EPN1: variants seen among roughly 807,000 people sequenced by gnomAD.
EPN1 encodes epsin-1.
EPN1 carries 25 observed loss-of-function variants against 56.9 expected under a neutral mutation model. The ratio of observed to expected loss-of-function variants is 0.44; its 90% CI spans 0.32 to 0.61. The LOEUF is 0.61. Among genes scored for constraint, EPN1 ranks in the 20% least tolerant of loss-of-function variants. The probability of loss-of-function intolerance (pLI) is 0.05; values close to 1 mark genes in which losing one functional copy is unlikely to be tolerated. For synonymous variants in EPN1, 411 were observed against 361.8 expected (o/e 1.14, Z -1.54); for missense variants, 785 against 823.7 (o/e 0.95, Z 0.58).
intron 2 of EPN1, among the ~76,000 whole-genome samples, chr19:55,679,081 T>C (rs534763212): frequency 6.6e-6 from 1 of 152,386 alleles, no homozygotes; most frequent in African/African-American, 2.4e-5. Context: ...GTAAGATTCA[T>C]GTGCTGAGGA....
At chr19:55,685,062 A>G (rs1600100367) in intron 2 of EPN1, among the ~76,000 whole-genome samples, 1 of 151,320 alleles carries the variant, frequency 6.6e-6, no homozygotes, top group Admixed American at 6.6e-5. Flanking sequence ...CCCTCCCTCC[A>G]CCCCTGGCAA....
rs1303082136 is a variant in EPN1, at chr19:55,696,756, C to T, written c.*1400C>T. ...GTGTCCGAGCAGCGTCGTGGCCACC[C>T]TGTGTGCCCACTCCCTGGTGGACAG... On this transcript the variant is annotated 3_prime_UTR_variant, in exon 11 of 11. Transcript: ENST00000270460. 1 of 152,282 alleles carries T rather than the reference C, an allele frequency of 6.6e-6. No homozygotes were observed. The highest frequency in any genetic ancestry group is 1.5e-5 in the Non-Finnish European group (1 of 68,092). 9.4% of individuals were successfully genotyped at this position (152,282 alleles called of 1,614,324 possible).
In EPN1 at chr19:55,709,060, TAA is replaced by T. The variant is rs958216336; in HGVS notation, c.*13706_*13707del. 3.2e-6 allele frequency: 5 copies of T among 1,549,560 alleles called. No homozygotes were observed. Among genetic ancestry groups the T allele is most frequent in the Non-Finnish European group, 4.3e-6 (5 of 1,157,556 alleles). ...TTTGTGCAGCCTGGGAAAATAGAAA[TAA>T]AGTTTTTTTTTTTGTTTTTCATTTT... On this transcript the variant is annotated 3_prime_UTR_variant, in exon 11 of 11. Coordinates refer to ENST00000270460, the MANE Select transcript of EPN1 (RefSeq NM_001130072.2).
Position 55,708,294 on chromosome 19 carries a change from C to T in EPN1, c.*12938C>T, listed in dbSNP as rs572211756. On this transcript the variant is annotated 3_prime_UTR_variant, in exon 11 of 11. Transcript: ENST00000270460. ...GGCCAATAAGGCATCAGCAATTTAC[C>T]GTAGGGAACTAGGGAATGTTTAATT... 3 of 152,180 alleles carry T rather than the reference C, an allele frequency of 2.0e-5. No homozygotes were observed. Among genetic ancestry groups the T allele is most frequent in the South Asian group, 4.1e-4 (2 of 4,820 alleles). The allele number at this position is 152,180 out of a possible 1,614,324, so 9.4% of individuals were successfully genotyped here. A position where few individuals can be genotyped will look rare whatever the true frequency, so the allele number is the denominator to read the frequency against.
At chr19:55,679,558 G>A (rs978325294) in intron 2 of EPN1, among the ~76,000 whole-genome samples, 5 of 152,222 alleles carry the variant, frequency 3.3e-5, no homozygotes, top group African/African-American at 1.2e-4. Flanking sequence ...CCCGCTCTGG[G>A]TGTCTTGGTG....
In EPN1 at chr19:55,701,959, CT is replaced by C. The variant is rs1160028473; in HGVS notation, c.*6623del. On this transcript the variant is annotated 3_prime_UTR_variant, in exon 11 of 11. Transcript: ENST00000270460. ...AGTCTCTAGCAGCCCCCACCCCATT[CT>C]TTTTTTTTTTTTTTTTTTTGAGATG... 0.02 allele frequency: 2,178 copies of C among 110,768 alleles called. 46 individuals are homozygous for C. Among genetic ancestry groups the C allele is most frequent in the Admixed American group, 0.082 (841 of 10,224 alleles). 6.9% of individuals were successfully genotyped at this position (110,768 alleles called of 1,614,324 possible).
intron 3 of EPN1, among the ~76,000 whole-genome samples, chr19:55,688,270 C>T (rs1310737848): frequency 6.6e-6 from 1 of 152,010 alleles, no homozygotes; most frequent in East Asian, 1.9e-4. Context: ...GCAGTGGAGG[C>T]CGGGGATATC....
At chr19:55,687,923 G>A (rs1237511441) in intron 3 of EPN1, among the ~76,000 whole-genome samples, 1 of 152,220 alleles carries the variant, frequency 6.6e-6, no homozygotes, top group African/African-American at 2.4e-5. Flanking sequence ...CCGGGCAAGG[G>A]GAGCCAGGGC....
In EPN1 at chr19:55,708,982, A is replaced by G. The variant is rs1987572378; in HGVS notation, c.*13626A>G. 1 of 1,593,870 alleles carries G rather than the reference A, an allele frequency of 6.3e-7. No homozygotes were observed. Among genetic ancestry groups the G allele is most frequent in the South Asian group, 1.2e-5 (1 of 86,928 alleles). The stretch of plus-strand genomic sequence containing the variant: ...TCCATGTGAAATGGTCAGATGGGGA[A>G]TTTTTTCTTCCACAGACATCAGGAT... On this transcript the variant is annotated 3_prime_UTR_variant, in exon 11 of 11. Transcript: ENST00000270460.
In EPN1 at chr19:55,677,659, T is replaced by G. The variant is rs1483892621; in HGVS notation, c.-101-868T>G. On this transcript the variant is annotated intron_variant, in intron 1 of 10. Coordinates refer to ENST00000270460, the MANE Select transcript of EPN1 (RefSeq NM_001130072.2). ...CAGTGGGGCTGTTAGGTTCCTTATC[T>G]CTCCTGAGCCTTGGGCTTCCGCTAT... is the stretch of plus-strand genomic sequence containing the variant. The G allele has an allele frequency of 3.2e-6, 5 of 1,551,592 alleles. No individual in the cohort carries two copies. The South Asian group carries it at 3.6e-5, about 11-fold the overall frequency.
chr19:55,693,239 C>T, intron 9 of EPN1: 1 of 564,582 alleles, frequency 1.8e-6, no homozygotes, highest in Non-Finnish European at 3.1e-6. Flanking sequence ...AAATTGCAGA[C>T]TTAGAGAAAA....
rs990293322 is a variant in EPN1 at position 55,688,897 on chromosome 19, C to T, written c.506C>T (p.Pro169Leu). ...TCATCAGCAGCTGTGGGCTCAGGCC[C>T]CCCTCCCGAGGCGGAGCAGGCGTGG... Reference protein sequence around the residue: ...TASSAAVGSGPPPEAEQAWPQ... With the variant: ...TASSAAVGSGLPPEAEQAWPQ... Residue 169 changes from proline to leucine, a missense_variant, in exon 4 of 11, where the codon CCC (proline) becomes CTC (leucine). By Grantham distance (98) the Pro-to-Leu change is moderately conservative. Transcript: ENST00000270460. The T allele has an allele frequency of 6.3e-7, 1 of 1,580,938 alleles. No homozygotes were observed. Among genetic ancestry groups the T allele is most frequent in the Non-Finnish European group, 8.6e-7 (1 of 1,164,058 alleles).
chr19:55,681,755 G>A (rs143431564), intron 2 of EPN1, among the ~76,000 whole-genome samples: 1 of 151,868 alleles, frequency 6.6e-6, no homozygotes, highest in African/African-American at 2.4e-5. Flanking sequence ...ACTGCTTTTT[G>A]GTTGTTTTCA....
chr19:55,683,379 TCTCA>T (rs529406684), intron 2 of EPN1, among the ~76,000 whole-genome samples: 133 of 151,960 alleles, frequency 8.8e-4, no homozygotes, highest in African/African-American at 3.1e-3. Flanking sequence ...TTAAATGGAG[TCTCA>T]CTCTGTCTCC....
chr19:55,702,621 A>G lies in EPN1; in HGVS notation c.*7265A>G, dbSNP rs1359058395. The G allele has an allele frequency of 6.6e-6, 1 of 152,140 alleles. No homozygotes were observed. Among genetic ancestry groups the G allele is most frequent in the Non-Finnish European group, 1.5e-5 (1 of 68,026 alleles). 9.4% of individuals were successfully genotyped at this position (152,140 alleles called of 1,614,324 possible). ...CTTTGAACTGCGTGGTGTGGTGAGAAAGGGAGCAATTTCTAAGCTGCTTTT... is the reference window on the plus strand; with the variant it reads ...CTTTGAACTGCGTGGTGTGGTGAGAGAGGGAGCAATTTCTAAGCTGCTTTT... On this transcript the variant is annotated 3_prime_UTR_variant, in exon 11 of 11. Transcript: ENST00000270460.
At position 55,700,928 on chromosome 19, in the gene EPN1, T is replaced by C. The variant is rs1987110929; in HGVS notation, c.*5572T>C. The C allele has an allele frequency of 6.6e-6, 1 of 152,218 alleles. No homozygotes were observed. The highest frequency in any genetic ancestry group is 2.1e-4 in the South Asian group (1 of 4,832). The allele number at this position is 152,218 out of a possible 1,614,324, so 9.4% of individuals were successfully genotyped here. On this transcript the variant is annotated 3_prime_UTR_variant, in exon 11 of 11. Coordinates refer to ENST00000270460, the MANE Select transcript of EPN1 (RefSeq NM_001130072.2). ...CTCATCCACCCAAATCAAGCATCAC[T>C]ACATCCATCCGCAGGGGAGGCAAGC...
At chr19:55,682,557 G>A (rs1985885414) in intron 2 of EPN1, among the ~76,000 whole-genome samples, 2 of 151,410 alleles carry the variant, frequency 1.3e-5, no homozygotes, top group African/African-American at 4.9e-5. Context: ...TAGCAGGGAT[G>A]ACACGCATGT....
rs1272099690 is a variant in EPN1, at chr19:55,704,467, G to C, written c.*9111G>C. ...CATGTGAGGACGCCGGGAGAAGACA[G>C]CCGTCTGGGAGCCAAGGAGAGAGGC... On this transcript the variant is annotated 3_prime_UTR_variant, in exon 11 of 11. Transcript: ENST00000270460. 1 of 152,272 alleles carries C rather than the reference G, an allele frequency of 6.6e-6. No homozygotes were observed. Among genetic ancestry groups the C allele is most frequent in the Non-Finnish European group, 1.5e-5 (1 of 68,082 alleles). The allele number at this position is 152,272 out of a possible 1,614,324, so 9.4% of individuals were successfully genotyped here. A position where few individuals can be genotyped will look rare whatever the true frequency, so the allele number is the denominator to read the frequency against.
Position 55,695,105 on chromosome 19 carries a change from G to A in EPN1, c.1523-43G>A. 2.5e-6 allele frequency: 4 copies of A among 1,611,934 alleles called. No homozygotes were observed. Among genetic ancestry groups the A allele is most frequent in the South Asian group, 2.2e-5 (2 of 90,932 alleles). On this transcript the variant is annotated intron_variant, in intron 10 of 10. Coordinates refer to ENST00000270460, the MANE Select transcript of EPN1 (RefSeq NM_001130072.2). The surrounding 1 kb of genome is among the most constrained non-coding windows in gnomAD (Gnocchi z 4.4). ...TGCTGGATGGACACAGGTGGGCTGC[G>A]CCACTGACTCCACTCCGTGTCTCTG...
Sources: allele counts gnomAD v4.1 joint callset (sites outside exome capture counted in the v4.1 genomes callset), GRCh38; gene constraint gnomAD v4.1.1; non-coding constraint Gnocchi (gnomAD v3.1); transcripts MANE v1.5; gene names NCBI Gene and HGNC (gene_info 2026-07-23, HGNC 2026-07-21).